The following FBXL20 variants were observed in gnomAD, a reference collection of about 807,000 sequenced individuals.
FBXL20 encodes F-box/LRR-repeat protein 20.
A neutral mutation model predicts 64.0 loss-of-function variants in FBXL20; 11 were observed. The observed-to-expected ratio is 0.17, with a 90% CI of 0.11 to 0.28. The LOEUF (loss-of-function observed/expected upper bound fraction) is 0.28, where lower values mean the gene tolerates loss of function less well. Ranked by LOEUF, FBXL20 falls within the 10% of genes least tolerant of loss-of-function variation. The pLI is 1.00. For missense variants in FBXL20, 303 were observed against 526.2 expected (o/e 0.58, Z 4.15); for synonymous variants, 184 against 189.0 (o/e 0.97, Z 0.22).
chr17:39,327,862 G>A (rs575909867), intron 2 of FBXL20, among the ~76,000 whole-genome samples: 5 of 152,014 alleles, frequency 3.3e-5, no homozygotes, highest in South Asian at 4.2e-4. Flanking sequence ...CACCACGCCC[G>A]GGTAACCAAA....
chr17:39,375,333 C>T (rs542638678), intron 1 of FBXL20, among the ~76,000 whole-genome samples: 3 of 152,062 alleles, frequency 2.0e-5, no homozygotes, highest in South Asian at 4.2e-4. Flanking sequence ...AACATGTACT[C>T]GGAGATGACA....
chr17:39,386,935 T>C (rs796316428), intron 1 of FBXL20, among the ~76,000 whole-genome samples: 4 of 152,328 alleles, frequency 2.6e-5, no homozygotes, highest in Middle Eastern at 3.4e-3. Flanking sequence ...ACATCAGCCA[T>C]CTGACAACAG....
At chr17:39,314,795 CTTTTTTT>C (rs59955109) in intron 2 of FBXL20, among the ~76,000 whole-genome samples, 56 of 125,962 alleles carry the variant, frequency 4.4e-4, no homozygotes, top group Non-Finnish European at 6.4e-4. Flanking sequence ...ATATCCTTTT[CTTTTTTT>C]TTTTTTTTTT....
chr17:39,363,820 A>AAAAAAAAAACAAAAAACAAAAAAC (rs2047826485), intron 1 of FBXL20, among the ~76,000 whole-genome samples: 13 of 104,024 alleles, frequency 1.2e-4, no homozygotes, highest in African/African-American at 6.7e-4. Context: ...CAAAAAAAAA[A>AAAAAAAAAACAAAAAACAAAAAAC]AAAAAACAAA....
chr17:39,342,222 G>A (rs1468216466), intron 2 of FBXL20, among the ~76,000 whole-genome samples: 1 of 151,908 alleles, frequency 6.6e-6, no homozygotes, highest in African/African-American at 2.4e-5. Context: ...AACACAGTAG[G>A]GCCAGTTACC....
intron 1 of FBXL20, among the ~76,000 whole-genome samples, chr17:39,385,640 C>T (rs1295031476): frequency 1.3e-5 from 2 of 152,164 alleles, no homozygotes; most frequent in Admixed American, 1.3e-4. Context: ...GTTTCCTTAA[C>T]TAAAATAATG....
intron 1 of FBXL20, among the ~76,000 whole-genome samples, chr17:39,374,931 C>A (rs2047953014): frequency 6.6e-6 from 1 of 152,122 alleles, no homozygotes; most frequent in African/African-American, 2.4e-5. Context: ...GGACTACAGG[C>A]GCGTGCCACC....
chr17:39,390,064 C>A (rs1216406694), intron 1 of FBXL20, among the ~76,000 whole-genome samples: 1 of 152,056 alleles, frequency 6.6e-6, no homozygotes, highest in African/African-American at 2.4e-5. Context: ...AGTATAAATT[C>A]TAGACTGAAA....
intron 8 of FBXL20, 142 bp from the exon 9 acceptor site, chr17:39,281,605 G>A: frequency 1.6e-6 from 1 of 623,566 alleles, no homozygotes; most frequent in Non-Finnish European, 2.8e-6. Context: ...AATACGCTAT[G>A]ATCATATAAC....
chr17:39,265,481 A>T, intron 12 of FBXL20, 28 bp from the exon 13 acceptor site: 1 of 1,523,402 alleles, frequency 6.6e-7, no homozygotes, highest in Non-Finnish European at 9.1e-7. Flanking sequence ...TGTTGATTTT[A>T]GGTATAATCC....
At chr17:39,269,971 G>A (rs908560256) in intron 11 of FBXL20, among the ~76,000 whole-genome samples, 2 of 152,098 alleles carry the variant, frequency 1.3e-5, no homozygotes, top group Admixed American at 1.3e-4. Context: ...ATATTCTATC[G>A]ATCTGCCTAA....
chr17:39,368,574 CCT>C (rs2047884361), intron 1 of FBXL20, among the ~76,000 whole-genome samples: 1 of 152,110 alleles, frequency 6.6e-6, no homozygotes, highest in African/African-American at 2.4e-5. Context: ...CTTGCTTCTC[CCT>C]GACAAGCCCC....
At chr17:39,339,165 CAAA>C (rs59901064) in intron 2 of FBXL20, among the ~76,000 whole-genome samples, 4 of 68,014 alleles carry the variant, frequency 5.9e-5, no homozygotes, top group Non-Finnish European at 5.7e-5. Flanking sequence ...GACCCTGTCT[CAAA>C]AAAAAAAAAA....
In FBXL20 at chr17:39,397,372, T is replaced by C. The variant is rs547355783; in HGVS notation, c.42+3989A>G. ...ATACCGAAATTGGAGCATATCACTT[T>C]CTAACTTATGGGTTCTTATCTCCAG... On this transcript the variant is annotated intron_variant, in intron 1 of 14. Coordinates refer to ENST00000264658, the MANE Select transcript of FBXL20 (RefSeq NM_032875.3). Among the ~76,000 whole-genome samples, 19 of 152,324 alleles carry C rather than the reference T, an allele frequency of 1.2e-4. No homozygotes were observed. The South Asian group carries it at 3.9e-3, about 32-fold the overall frequency.
chr17:39,321,311 G>A (rs2047353815), intron 2 of FBXL20, among the ~76,000 whole-genome samples: 1 of 151,388 alleles, frequency 6.6e-6, no homozygotes, highest in African/African-American at 2.4e-5. Flanking sequence ...AATTAGCCGG[G>A]CACGGTGGCA....
chr17:39,274,818 A>G, intron 10 of FBXL20, 152 bp downstream of exon 10: 1 of 905,452 alleles, frequency 1.1e-6, no homozygotes, highest in Non-Finnish European at 1.6e-6. Flanking sequence ...ATGAGGTACA[A>G]AAAGGAAGTA....
rs201074755 is a variant in FBXL20 at position 39,306,002 on chromosome 17, C to CA, written c.105-2364dup. The stretch of plus-strand genomic sequence containing the variant: ...GACTGTGTCTCAAAAAACAAACAAA[C>CA]AAAAAAAAACAAAGTAGCCAGGCAT... On this transcript the variant is annotated intron_variant, in intron 2 of 14. Transcript: ENST00000264658. Among the ~76,000 whole-genome samples the CA allele has an allele frequency of 2.9e-3, 428 of 148,988 alleles. 1 individual carries two copies. Among genetic ancestry groups the CA allele is most frequent in the African/African-American group, 9.7e-3 (393 of 40,646 alleles).
intron 5 of FBXL20, among the ~76,000 whole-genome samples, chr17:39,298,460 C>T (rs1412319139): frequency 1.3e-5 from 2 of 152,010 alleles, no homozygotes; most frequent in African/African-American, 2.4e-5. Context: ...GGCTCATGCC[C>T]GTAATTCCAG....
intron 2 of FBXL20, among the ~76,000 whole-genome samples, chr17:39,333,129 GCTCTCC>G (rs376872104): frequency 9.2e-5 from 14 of 151,792 alleles, no homozygotes; most frequent in Admixed American, 7.2e-4. Context: ...AAAAAATTCA[GCTCTCC>G]CTCTCCCTCT....
Sources: gnomAD v4.1 joint callset for allele counts (sites outside exome capture counted in the v4.1 genomes callset) on GRCh38, gnomAD v4.1.1 for gene constraint, MANE v1.5 for transcripts, NCBI Gene and HGNC (gene_info 2026-07-23, HGNC 2026-07-21) for gene names.